PCDH9: variants seen among roughly 807,000 people sequenced by gnomAD.
PCDH9 encodes protocadherin-9.
In PCDH9, 24 loss-of-function variants were observed where a neutral mutation model predicts 70.6. The ratio of observed to expected loss-of-function variants is 0.34; its 90% confidence interval spans 0.25 to 0.48. PCDH9 has a LOEUF of 0.48. Ranked by LOEUF, PCDH9 falls within the 20% of genes least tolerant of loss-of-function variation. The pLI, the probability that PCDH9 is intolerant of heterozygous loss-of-function variation, is 0.99. For synonymous variants in PCDH9, 562 were observed against 558.5 expected, an observed-to-expected ratio of 1.01 and a Z score of -0.09; for missense variants, 1,281 against 1,503.6, an observed-to-expected ratio of 0.85 and a Z score of 2.45.
intron 3 of PCDH9, among the ~76,000 whole-genome samples, chr13:66,700,690 A>G (rs1264121019): frequency 2.0e-5 from 3 of 152,010 alleles, no homozygotes; most frequent in Non-Finnish European, 4.4e-5. Flanking sequence ...TTTCAAAAGC[A>G]AACTTATTTG....
chr13:66,335,336 T>C (rs1295729051), intron 4 of PCDH9, among the ~76,000 whole-genome samples: 2 of 152,134 alleles, frequency 1.3e-5, no homozygotes, highest in African/African-American at 4.8e-5. Flanking sequence ...AAAATCGAGC[T>C]TGCTCTGACA....
chr13:66,567,069 C>T (rs902234903), intron 4 of PCDH9, among the ~76,000 whole-genome samples: 3 of 151,796 alleles, frequency 2.0e-5, no homozygotes, highest in Non-Finnish European at 4.4e-5. Context: ...AAAAAAAAAT[C>T]CTTAAAATCA....
chr13:66,464,525 A>C (rs956288232), intron 4 of PCDH9, among the ~76,000 whole-genome samples: 1 of 151,966 alleles, frequency 6.6e-6, no homozygotes, highest in African/African-American at 2.4e-5. Context: ...AATTGACTTT[A>C]CTGGAATTAG....
At chr13:66,480,379 T>G (rs1284835911) in intron 4 of PCDH9, among the ~76,000 whole-genome samples, 1 of 152,200 alleles carries the variant, frequency 6.6e-6, no homozygotes, top group Non-Finnish European at 1.5e-5. Flanking sequence ...CTGAGAACAT[T>G]GTTGAAATAA....
intron 4 of PCDH9, among the ~76,000 whole-genome samples, chr13:66,618,333 A>G (rs2077383670): frequency 6.6e-6 from 1 of 152,182 alleles, no homozygotes; most frequent in African/African-American, 2.4e-5. Context: ...CCGAGCACTC[A>G]TGTATTTGTC....
chr13:66,998,702 G>A (rs1161010812), intron 2 of PCDH9, among the ~76,000 whole-genome samples: 1 of 152,108 alleles, frequency 6.6e-6, no homozygotes, highest in Non-Finnish European at 1.5e-5. Flanking sequence ...CCTGCCAGTT[G>A]TCTCTGCAAT....
chr13:66,541,648 G>T (rs956034203), intron 4 of PCDH9, among the ~76,000 whole-genome samples: 1 of 152,030 alleles, frequency 6.6e-6, no homozygotes, highest in Admixed American at 6.6e-5. Flanking sequence ...TCTTCCAAGG[G>T]TTTGGCATTG....
At chr13:66,558,593 C>T (rs1413416683) in intron 4 of PCDH9, among the ~76,000 whole-genome samples, 1 of 151,922 alleles carries the variant, frequency 6.6e-6, no homozygotes, top group African/African-American at 2.4e-5. Context: ...TTTAAAAAAC[C>T]TTTCCTTCCT....
intron 4 of PCDH9, among the ~76,000 whole-genome samples, chr13:66,597,935 AC>A (rs1468119957): frequency 6.6e-6 from 1 of 151,874 alleles, no homozygotes; most frequent in Middle Eastern, 3.2e-3. Context: ...CCAAAAAAAA[AC>A]AAAGATGCAT....
intron 2 of PCDH9, among the ~76,000 whole-genome samples, chr13:66,920,712 A>G (rs1355953603): frequency 1.3e-5 from 2 of 151,424 alleles, no homozygotes; most frequent in Non-Finnish European, 3.0e-5. Context: ...ACATGGATAT[A>G]TTGAAAATTA....
chr13:67,074,607 C>A (rs2085840656), intron 2 of PCDH9, among the ~76,000 whole-genome samples: 1 of 152,042 alleles, frequency 6.6e-6, no homozygotes, highest in Non-Finnish European at 1.5e-5. Flanking sequence ...AAGTACCACT[C>A]AAGAAGTTGT....
intron 2 of PCDH9, among the ~76,000 whole-genome samples, chr13:67,060,783 T>C (rs529531066): frequency 1.2e-4 from 19 of 152,092 alleles, no homozygotes; most frequent in African/African-American, 1.9e-4. Flanking sequence ...CTCCATCCTT[T>C]CCTAGGTGAT....
chr13:66,872,078 C>T (rs535331677), intron 3 of PCDH9, among the ~76,000 whole-genome samples: 3 of 152,258 alleles, frequency 2.0e-5, no homozygotes, highest in South Asian at 2.1e-4. Flanking sequence ...CTGTCTGAAA[C>T]AGCACTAGAG....
intron 2 of PCDH9, among the ~76,000 whole-genome samples, chr13:66,938,849 T>C (rs1045115180): frequency 1.3e-5 from 2 of 152,190 alleles, no homozygotes; most frequent in Non-Finnish European, 2.9e-5. Context: ...GTAGATCATT[T>C]TAAAAGAACT....
intron 3 of PCDH9, among the ~76,000 whole-genome samples, chr13:66,889,568 A>G (rs1372186227): frequency 6.6e-6 from 1 of 152,164 alleles, no homozygotes; most frequent in East Asian, 1.9e-4. Flanking sequence ...AATAAGATAC[A>G]TAAAGCATAC....
At chr13:66,453,705 C>T (rs1958261891) in intron 4 of PCDH9, among the ~76,000 whole-genome samples, 1 of 152,030 alleles carries the variant, frequency 6.6e-6, no homozygotes, top group African/African-American at 2.4e-5. Context: ...AGTATAAGGC[C>T]CAGGCTGGAC....
intron 2 of PCDH9, among the ~76,000 whole-genome samples, chr13:67,069,523 T>C (rs146502446): frequency 2.0e-5 from 3 of 152,258 alleles, no homozygotes; most frequent in Admixed American, 6.6e-5. Context: ...CATAGGGTAA[T>C]AGGATTACGT....
intron 4 of PCDH9, among the ~76,000 whole-genome samples, chr13:66,502,137 G>A (rs1344308730): frequency 1.3e-5 from 2 of 152,150 alleles, no homozygotes; most frequent in Non-Finnish European, 2.9e-5. Flanking sequence ...AATATGCCTA[G>A]TGGCTACATT....
chr13:66,952,730 G>T (rs1368481328), intron 2 of PCDH9, among the ~76,000 whole-genome samples: 1 of 152,128 alleles, frequency 6.6e-6, no homozygotes, highest in African/African-American at 2.4e-5. Context: ...TAGGTAACCA[G>T]ATGGCTCTTT....
Sources: allele counts gnomAD v4.1 joint callset (sites outside exome capture counted in the v4.1 genomes callset), GRCh38; gene constraint gnomAD v4.1.1; transcripts MANE v1.5; gene names NCBI Gene and HGNC (gene_info 2026-07-23, HGNC 2026-07-21).